Variants in POLR2F observed in about 807,000 individuals in gnomAD.
The protein encoded by POLR2F is DNA-directed RNA polymerases I, II, and III subunit RPABC2.
POLR2F carries 12 observed loss-of-function variants against 22.7 expected under a neutral mutation model. The ratio of observed to expected loss-of-function variants is 0.53; its 90% CI spans 0.34 to 0.86. The LOEUF is 0.86. Ranked by LOEUF, POLR2F falls within the 40% of genes least tolerant of loss-of-function variation. The pLI, the probability that POLR2F is intolerant of heterozygous loss-of-function variation, is 0.02. For synonymous variants in POLR2F, 57 were observed against 66.0 expected (o/e 0.86, Z 0.66); for missense variants, 126 against 171.5 (o/e 0.73, Z 1.48).
intron 1 of POLR2F, among the ~76,000 whole-genome samples, chr22:38,019,176 G>T (rs1305821582): frequency 6.6e-6 from 1 of 152,082 alleles, no homozygotes; most frequent in African/African-American, 2.4e-5. Context: ...GAGTGATGGG[G>T]ACTTGACACA....
In POLR2F at chr22:37,968,802, G is replaced by C. The variant is rs1931956909; in HGVS notation, c.*1087G>C. ...ACCTCTGCAGGAGGCAGGGCCTCCA[G>C]GCCTAGGTGCAGCCTGGCCCTGGGA... On this transcript the variant is annotated 3_prime_UTR_variant, in exon 5 of 5. Transcript: ENST00000442738. 3.0e-6 allele frequency: 3 copies of C among 985,462 alleles called. No homozygotes were observed. The South Asian group carries it at 1.4e-4, about 46-fold the overall frequency. 61.0% of individuals were successfully genotyped at this position (985,462 alleles called of 1,614,324 possible).
At chr22:38,022,317 C>T (rs757894572) in intron 1 of POLR2F, among the ~76,000 whole-genome samples, 17 of 151,232 alleles carry the variant, frequency 1.1e-4, no homozygotes, top group African/African-American at 2.9e-4. Flanking sequence ...TTTGGGAGGC[C>T]GAGGCGGGCG....
chr22:38,041,395 A>G (rs2085170840), downstream of POLR2F: 5 of 384,228 alleles, frequency 1.3e-5, no homozygotes, highest in South Asian at 2.9e-4. Context: ...GGAGTCTAGG[A>G]GAGGATCCAG....
chr22:37,984,927 G>A (rs998542091), upstream of POLR2F: 1 of 152,352 alleles, frequency 6.6e-6, no homozygotes, highest in Non-Finnish European at 1.5e-5. The surrounding 1 kb of genome is among the most constrained non-coding windows in gnomAD (Gnocchi z 4.4). Context: ...TGAAGGCGGT[G>A]AGGGTCCTGG....
In POLR2F at chr22:37,956,854, G is replaced by T; in HGVS notation, c.90+12G>T. 1 of 1,606,102 alleles carries T rather than the reference G, an allele frequency of 6.2e-7. No individual in the cohort carries two copies. The highest frequency in any genetic ancestry group is 1.1e-5 in the South Asian group (1 of 90,932). On this transcript the variant is annotated intron_variant, in intron 2 of 4. Transcript: ENST00000442738. ...AGAATGCCGAAGAGGTCAGTATTCA[G>T]CCTCAGGCTCCCACCTCTGCAGCCC...
At chr22:37,970,745 A>G, downstream of POLR2F, 1 of 160,832 alleles carries the variant, frequency 6.2e-6, no homozygotes, top group Admixed American at 5.7e-5. Flanking sequence ...TTGCAGATAC[A>G]TAAAGCTCTA....
intron 1 of POLR2F, 104 bp downstream of exon 1, chr22:37,953,911 G>T: frequency 7.4e-7 from 1 of 1,348,368 alleles, no homozygotes. Context: ...AATGTCTGAG[G>T]GGACTGGGGT....
intron 1 of POLR2F, among the ~76,000 whole-genome samples, chr22:37,998,764 G>A (rs1283884742): frequency 6.6e-6 from 1 of 151,998 alleles, no homozygotes; most frequent in Non-Finnish European, 1.5e-5. Flanking sequence ...GGAATTAATA[G>A]CAAAGAGTCA....
intron 1 of POLR2F, among the ~76,000 whole-genome samples, chr22:38,000,140 G>A (rs1055919143): frequency 2.0e-5 from 3 of 152,328 alleles, no homozygotes; most frequent in East Asian, 3.9e-4. Context: ...TCCCCTGACG[G>A]CATGGTGCAG....
At chr22:37,971,474 T>C (rs1272448758), downstream of POLR2F, among the ~76,000 whole-genome samples, 1 of 152,132 alleles carries the variant, frequency 6.6e-6, no homozygotes, top group African/African-American at 2.4e-5. Flanking sequence ...AAAGAGTCTT[T>C]GGAGTTGTGT....
rs1931960919 is a variant in POLR2F, at chr22:37,968,919, C to CAG, written c.*1205_*1206insGA. The CAG allele has an allele frequency of 1.0e-6, 1 of 985,264 alleles. No individual in the cohort carries two copies. The highest frequency in any genetic ancestry group is 6.1e-5 in the Admixed American group (1 of 16,268). 61.0% of individuals were successfully genotyped at this position (985,264 alleles called of 1,614,324 possible). ...GGTTAATTCAGGGAGCAGTGGACTT[C>CAG]ACACTCCCATCCACCCTCCTCCAAG... is the stretch of plus-strand genomic sequence containing the variant. On this transcript the variant is annotated 3_prime_UTR_variant, in exon 5 of 5. Transcript: ENST00000442738.
intron 1 of POLR2F, among the ~76,000 whole-genome samples, chr22:37,995,281 C>G (rs138621821): frequency 9.8e-5 from 15 of 152,326 alleles, no homozygotes; most frequent in Non-Finnish European, 2.1e-4. Flanking sequence ...TGTGAGCACG[C>G]AGCAGATGCT....
intron 1 of POLR2F, among the ~76,000 whole-genome samples, chr22:37,994,823 G>A (rs1412035226): frequency 6.6e-6 from 1 of 151,962 alleles, no homozygotes; most frequent in East Asian, 1.9e-4. Flanking sequence ...GTATTTTTTT[G>A]TAGAGACAGG....
intron 1 of POLR2F, among the ~76,000 whole-genome samples, chr22:38,011,462 CTTTTT>C (rs76830973): frequency 7.3e-6 from 1 of 137,348 alleles, no homozygotes; most frequent in Non-Finnish European, 1.6e-5. Context: ...GGTTATGGTT[CTTTTT>C]TTTTTTTTTT....
At chr22:38,012,852 C>A (rs1242728987) in intron 1 of POLR2F, among the ~76,000 whole-genome samples, 1 of 152,210 alleles carries the variant, frequency 6.6e-6, no homozygotes, top group Non-Finnish European at 1.5e-5. Flanking sequence ...ATCATCACGT[C>A]ATTGCAGGGC....
At chr22:37,956,696 T>C (rs1306968402) in intron 1 of POLR2F, 77 bp from the exon 2 acceptor site, 5 of 1,139,756 alleles carry the variant, frequency 4.4e-6, no homozygotes, top group Non-Finnish European at 6.7e-6. Flanking sequence ...GGATTACAAG[T>C]GTGATCCACC....
At chr22:38,025,718 C>T in intron 1 of POLR2F, 7 of 1,530,510 alleles carry the variant, frequency 4.6e-6, no homozygotes, top group Non-Finnish European at 6.1e-6. Context: ...TGTACAGATG[C>T]ATAAACTGAG....
chr22:37,987,348 T>C lies in POLR2F; in HGVS notation c.120+1036T>C, dbSNP rs3026650. ...GAGGAGGAGAGGAAAGGAATACCTG[T>C]CAGTCAAACGTGAAGCCCACTGATG... is the stretch of plus-strand genomic sequence containing the variant. On this transcript the variant is annotated intron_variant, in intron 1 of 2. Coordinates refer to the POLR2F transcript ENST00000333418. 1.6e-3 allele frequency: 721 copies of C among 454,202 alleles called. 5 individuals are homozygous for C. Among genetic ancestry groups the C allele is most frequent in the African/African-American group, 0.012 (617 of 50,094 alleles). 28.1% of individuals were successfully genotyped at this position (454,202 alleles called of 1,614,324 possible). A position where few individuals can be genotyped will look rare whatever the true frequency, so the allele number is the denominator to read the frequency against.
At chr22:37,961,555 T>C (rs1344733117) in intron 3 of POLR2F, among the ~76,000 whole-genome samples, 1 of 152,136 alleles carries the variant, frequency 6.6e-6, no homozygotes, top group African/African-American at 2.4e-5. Flanking sequence ...CAGGTGGAGA[T>C]GCGAGTGTCC....
Sources: gnomAD v4.1 joint callset for allele counts (sites outside exome capture counted in the v4.1 genomes callset) on GRCh38, gnomAD v4.1.1 for gene constraint, Gnocchi (gnomAD v3.1) non-coding constraint, MANE v1.5 for transcripts, NCBI Gene and HGNC (gene_info 2026-07-23, HGNC 2026-07-21) for gene names.